Variants in SSR1 observed in about 807,000 individuals in gnomAD.
SSR1 encodes signal sequence receptor subunit 1.
A neutral mutation model predicts 36.1 loss-of-function variants in SSR1; 13 were observed. That is an observed-to-expected ratio of 0.36 (90% confidence interval 0.23 to 0.57). SSR1 has a LOEUF of 0.57. SSR1 is among the 20% of genes least tolerant of loss of function. SSR1 has a pLI of 0.81. For missense variants in SSR1, 291 were observed against 338.5 expected (o/e 0.86, Z 1.10); for synonymous variants, 113 against 118.9 (o/e 0.95, Z 0.32).
intron 7 of SSR1, among the ~76,000 whole-genome samples, chr6:7,292,786 C>G (rs971083121): frequency 6.6e-6 from 1 of 152,176 alleles, no homozygotes; most frequent in Admixed American, 6.5e-5. Flanking sequence ...ACCTTAAAGA[C>G]TCCTTCTCAC....
At chr6:7,299,531 T>C (rs1248840661) in intron 4 of SSR1, among the ~76,000 whole-genome samples, 1 of 151,946 alleles carries the variant, frequency 6.6e-6, no homozygotes, top group East Asian at 1.9e-4. Context: ...AAACCCCCTC[T>C]CTACTAAAAA....
chr6:7,302,084 A>G (rs1009761516), intron 3 of SSR1, among the ~76,000 whole-genome samples: 2 of 152,236 alleles, frequency 1.3e-5, no homozygotes, highest in Non-Finnish European at 1.5e-5. Flanking sequence ...AGACCCAAGG[A>G]TGTAGCTACA....
At chr6:7,312,123 TAGTC>T (rs988665754) in intron 1 of SSR1, among the ~76,000 whole-genome samples, 11 of 152,378 alleles carry the variant, frequency 7.2e-5, no homozygotes, top group African/African-American at 2.6e-4. Context: ...AAGGGATGCT[TAGTC>T]AGACTAATTA....
chr6:7,306,669 C>G (rs1287667080), intron 2 of SSR1, among the ~76,000 whole-genome samples: 1 of 151,206 alleles, frequency 6.6e-6, no homozygotes, highest in African/African-American at 2.4e-5. Flanking sequence ...GTAATCCCAG[C>G]ACTTCGGGAG....
chr6:7,291,663 G>A (rs768173262), intron 7 of SSR1, among the ~76,000 whole-genome samples: 1 of 141,142 alleles, frequency 7.1e-6, no homozygotes, highest in Non-Finnish European at 1.6e-5. Context: ...TGCCCTTACA[G>A]ACAACCAATC....
At chr6:7,307,677 C>A (rs1027575325) in intron 2 of SSR1, among the ~76,000 whole-genome samples, 2 of 152,144 alleles carry the variant, frequency 1.3e-5, no homozygotes, top group Non-Finnish European at 2.9e-5. Context: ...GGATTACAGG[C>A]GCAAGCCACC....
intron 2 of SSR1, among the ~76,000 whole-genome samples, chr6:7,304,649 C>G (rs1174219525): frequency 6.6e-6 from 1 of 152,160 alleles, no homozygotes; most frequent in Admixed American, 6.5e-5. Context: ...TAAACTGTAT[C>G]TCAACAAATT....
At position 7,303,612 on chromosome 6, in the gene SSR1, A is replaced by G. The variant is rs1490459204; in HGVS notation, c.218T>C (p.Val73Ala). The change falls in exon 3 of 8, where the codon GTG becomes GCG. Residue 73 changes from valine to alanine, a missense_variant. Val to Ala is a moderately conservative substitution (Grantham distance 64). Coordinates refer to ENST00000244763, the MANE Select transcript of SSR1 (RefSeq NM_003144.5). ...DLVEDKEEED[V>A]SGEPEASPSA... ...CGGTGAAGCTTCAGGTTCACCAGAC[A>G]CATCTTCTTCCTCTTTATCTTCTAC... 4 of 1,613,258 alleles carry G rather than the reference A, an allele frequency of 2.5e-6. No individual in the cohort carries two copies. Among genetic ancestry groups the G allele is most frequent in the African/African-American group, 1.3e-5 (1 of 74,910 alleles).
Position 7,298,812 on chromosome 6 carries a change from G to C in SSR1, c.555C>G (p.Phe185Leu), listed in dbSNP as rs1757860464. ...CTGTTTGATTGAAGACTGCATCTTG[G>C]AATACATTGCCCTGTTTAAGAAAAT... is the stretch of plus-strand genomic sequence containing the variant. ...LNYKDLNGNVFQDAVFNQTVT... is the reference protein window; with the variant it reads ...LNYKDLNGNVLQDAVFNQTVT... The change falls in exon 5 of 8, where the codon TTC becomes TTG. Residue 185 changes from phenylalanine (F) to leucine (L), a missense_variant. Phe to Leu is a conservative substitution (Grantham distance 22). Transcript: ENST00000244763. The C allele has an allele frequency of 6.2e-7, 1 of 1,612,448 alleles. No homozygotes were observed. The highest frequency in any genetic ancestry group is 8.5e-7 in the Non-Finnish European group (1 of 1,179,316).
intron 7 of SSR1, among the ~76,000 whole-genome samples, chr6:7,294,453 C>T (rs764382870): frequency 1.2e-4 from 18 of 151,066 alleles, no homozygotes; most frequent in Non-Finnish European, 1.9e-4. Context: ...TTTGGGAGGC[C>T]GAGGCTAGCG....
intron 4 of SSR1, among the ~76,000 whole-genome samples, chr6:7,301,054 C>T (rs1052769150): frequency 6.6e-6 from 1 of 152,188 alleles, no homozygotes; most frequent in African/African-American, 2.4e-5. Context: ...CACTTCCACT[C>T]CCACACAATA....
intron 5 of SSR1, 145 bp from the exon 6 acceptor site, chr6:7,298,146 C>A: frequency 1.8e-6 from 1 of 562,574 alleles, no homozygotes; most frequent in Non-Finnish European, 3.0e-6. Flanking sequence ...CAACTTAAAT[C>A]CAGGTAGTTA....
chr6:7,309,988 T>C lies in SSR1; in HGVS notation c.121A>G (p.Thr41Ala). 6.2e-7 allele frequency: 1 copy of C among 1,613,998 alleles called. No homozygotes were observed. Among genetic ancestry groups the C allele is most frequent in the Non-Finnish European group, 8.5e-7 (1 of 1,179,968 alleles). ...VAQDLTEDEE[T>A]VEDSIIEDED... ...TCCTCAATTATGGAATCTTCTACTG[T>C]TTCTTCATCCTCTGTAAGATCTTGT... The change falls in exon 2 of 8, where the codon ACA becomes GCA. Residue 41 changes from threonine (T) to alanine (A), a missense_variant. Transcript: ENST00000244763.
Position 7,282,360 on chromosome 6 carries a change from GA to G in SSR1, c.*7503del, listed in dbSNP as rs1757443480. ...CAAGAGAAAAACAGCCAGAGACCGA[GA>G]AAACGGCGGGAAGGAAAGGTTCCAT... On this transcript the variant is annotated 3_prime_UTR_variant, in exon 8 of 8. Transcript: ENST00000244763. 1 of 152,380 alleles carries G rather than the reference GA, an allele frequency of 6.6e-6. No individual in the cohort carries two copies. Among genetic ancestry groups the G allele is most frequent in the African/African-American group, 2.4e-5 (1 of 41,442 alleles). The allele number at this position is 152,380 out of a possible 1,614,324, so 9.4% of individuals were successfully genotyped here. A position where few individuals can be genotyped will look rare whatever the true frequency, so the allele number is the denominator to read the frequency against.
chr6:7,290,877 T>C (rs2113272459), intron 7 of SSR1, among the ~76,000 whole-genome samples: 1 of 151,908 alleles, frequency 6.6e-6, no homozygotes, highest in South Asian at 2.1e-4. Flanking sequence ...GCCTAGAAAA[T>C]GAGTAAATGT....
intron 7 of SSR1, among the ~76,000 whole-genome samples, chr6:7,293,585 T>C (rs915555026): frequency 6.6e-6 from 1 of 152,132 alleles, no homozygotes; most frequent in African/African-American, 2.4e-5. Context: ...GTATTTTTTT[T>C]TCATTCTTTG....
Position 7,282,428 on chromosome 6 carries a change from G to A in SSR1, c.*7436C>T, listed in dbSNP as rs1757445908. 6.6e-6 allele frequency: 1 copy of A among 152,400 alleles called. No individual in the cohort carries two copies. Among genetic ancestry groups the A allele is most frequent in the South Asian group, 2.1e-4 (1 of 4,822 alleles). 9.4% of individuals were successfully genotyped at this position (152,400 alleles called of 1,614,324 possible). A position where few individuals can be genotyped will look rare whatever the true frequency, so the allele number is the denominator to read the frequency against. ...CTCAAGACTGGAAGGGACAGGAGCT[G>A]GTGACCATGAAGCAGTTCAGACTCA... On this transcript the variant is annotated 3_prime_UTR_variant, in exon 8 of 8. Coordinates refer to ENST00000244763, the MANE Select transcript of SSR1 (RefSeq NM_003144.5).
chr6:7,309,663 T>C (rs970499121), intron 2 of SSR1, among the ~76,000 whole-genome samples: 2 of 152,168 alleles, frequency 1.3e-5, no homozygotes, highest in African/African-American at 4.8e-5. Flanking sequence ...CTGATGGTTT[T>C]TATAAGGGGC....
Position 7,297,975 on chromosome 6 carries a change from C to A in SSR1, c.647G>T (p.Gly216Val), listed in dbSNP as rs1757840677. The A allele has an allele frequency of 6.2e-7, 1 of 1,613,102 alleles. No homozygotes were observed. Among genetic ancestry groups the A allele is most frequent in the Non-Finnish European group, 8.5e-7 (1 of 1,179,572 alleles). ...ETIFMYMFLA[G>V]LGLLVIVGLH... ...GCCAACAATAACCAGAAGCCCAAGA[C>A]CAGCAAGGAACATATACATAAAGAT... Residue 216 changes from glycine (G) to valine (V), a missense_variant, in exon 6 of 8, where the codon GGT (glycine) becomes GTT (valine). Physicochemically the swap from Gly to Val is moderately radical, Grantham distance 109 (BLOSUM62 -3). Coordinates refer to ENST00000244763, the MANE Select transcript of SSR1 (RefSeq NM_003144.5).
Sources: gnomAD v4.1 joint callset for allele counts (sites outside exome capture counted in the v4.1 genomes callset) on GRCh38, gnomAD v4.1.1 for gene constraint, MANE v1.5 for transcripts, NCBI Gene and HGNC (gene_info 2026-07-23, HGNC 2026-07-21) for gene names.